DIAPH2: variants seen among roughly 807,000 people sequenced by gnomAD.
DIAPH2 encodes protein diaphanous homolog 2.
In DIAPH2, 35 loss-of-function variants were observed where a neutral mutation model predicts 92.7. The ratio of observed to expected loss-of-function variants is 0.38; its 90% CI spans 0.29 to 0.50. The LOEUF (loss-of-function observed/expected upper bound fraction) is 0.50, where lower values mean the gene tolerates loss of function less well. DIAPH2 is among the 20% of genes least tolerant of loss of function. DIAPH2 has a pLI of 0.94. For missense variants in DIAPH2, 701 were observed against 819.5 expected (o/e 0.86, Z 1.77); for synonymous variants, 301 against 280.4 (o/e 1.07, Z -0.73).
At chrX:97,233,697 A>C (rs2068025736) in intron 22 of DIAPH2, among the ~76,000 whole-genome samples, 1 of 111,952 alleles carries the variant, frequency 8.9e-6, no homozygotes, top group African/African-American at 3.2e-5. Flanking sequence ...GTTGCTTTAT[A>C]GTGGCTGATT....
intron 19 of DIAPH2, among the ~76,000 whole-genome samples, chrX:97,088,239 C>G (rs2066797408): frequency 8.9e-6 from 1 of 111,847 alleles, no homozygotes; most frequent in African/African-American, 3.2e-5. Context: ...ACCTGTCCTT[C>G]CATCCTTTAG....
chrX:97,335,002 A>AC (rs2069044266), intron 23 of DIAPH2, among the ~76,000 whole-genome samples: 1 of 101,820 alleles, frequency 9.8e-6, no homozygotes, highest in Admixed American at 1.1e-4. Context: ...ACAAAACAAA[A>AC]AAAAAAAAAA....
intron 21 of DIAPH2, among the ~76,000 whole-genome samples, chrX:97,116,881 T>G (rs1269137484): frequency 8.9e-6 from 1 of 111,742 alleles, no homozygotes; most frequent in Non-Finnish European, 1.9e-5. Context: ...TACAGTTACA[T>G]CTTATATTTT....
At chrX:96,729,261 A>C (rs1416702756) in intron 1 of DIAPH2, among the ~76,000 whole-genome samples, 3 of 112,108 alleles carry the variant, frequency 2.7e-5, no homozygotes, top group Non-Finnish European at 5.6e-5. Context: ...GAAGAGGCCC[A>C]AGATATTTTC....
intron 25 of DIAPH2, among the ~76,000 whole-genome samples, chrX:97,425,274 T>G (rs1044437962): frequency 9.0e-6 from 1 of 111,464 alleles, no homozygotes; most frequent in African/African-American, 3.3e-5. Flanking sequence ...GGGAGGGGAT[T>G]AGGAAGACAT....
chrX:97,325,424 G>A (rs1301826190), intron 23 of DIAPH2, among the ~76,000 whole-genome samples: 1 of 111,858 alleles, frequency 8.9e-6, no homozygotes, highest in East Asian at 2.8e-4. Flanking sequence ...ATTAGTAGTT[G>A]ATTGTTAATA....
intron 17 of DIAPH2, among the ~76,000 whole-genome samples, chrX:97,064,588 G>A (rs905043740): frequency 2.6e-4 from 29 of 109,853 alleles, no homozygotes; most frequent in African/African-American, 8.6e-4. Context: ...ATAACACCCA[G>A]CACCTCCTGC....
At chrX:97,427,524 C>T (rs2147775304) in intron 25 of DIAPH2, among the ~76,000 whole-genome samples, 1 of 111,840 alleles carries the variant, frequency 8.9e-6, no homozygotes, top group East Asian at 2.8e-4. Flanking sequence ...TGTAAAGTGT[C>T]AACTGCATAT....
intron 22 of DIAPH2, among the ~76,000 whole-genome samples, chrX:97,225,835 C>G (rs948696543): frequency 8.9e-6 from 1 of 111,971 alleles, no homozygotes; most frequent in African/African-American, 3.2e-5. Context: ...CAATAGTACA[C>G]AGACTATCTG....
intron 22 of DIAPH2, among the ~76,000 whole-genome samples, chrX:97,191,771 A>C (rs949104224): frequency 9.0e-6 from 1 of 111,602 alleles, no homozygotes; most frequent in African/African-American, 3.3e-5. Context: ...GTTTATACTT[A>C]AATCTTAGGG....
chrX:97,399,891 C>G (rs1451523199), intron 25 of DIAPH2, among the ~76,000 whole-genome samples: 2 of 112,404 alleles, frequency 1.8e-5, no homozygotes, highest in African/African-American at 3.2e-5. Flanking sequence ...TGGTCACACC[C>G]AGATGTGGAG....
intron 4 of DIAPH2, among the ~76,000 whole-genome samples, chrX:96,854,230 C>CA (rs1159146633): frequency 9.1e-6 from 1 of 109,917 alleles, no homozygotes; most frequent in Non-Finnish European, 1.9e-5. Context: ...GAGAAACTAA[C>CA]AAAAATCCAA....
At chrX:97,524,550 G>T (rs2071011990) in intron 26 of DIAPH2, among the ~76,000 whole-genome samples, 1 of 112,046 alleles carries the variant, frequency 8.9e-6, no homozygotes, top group Non-Finnish European at 1.9e-5. Flanking sequence ...TACTTGCCCA[G>T]AAATAGAGGC....
chrX:96,685,454 C>G (rs1304022639), intron 1 of DIAPH2, among the ~76,000 whole-genome samples: 1 of 113,019 alleles, frequency 8.8e-6, no homozygotes, highest in Non-Finnish European at 1.9e-5. Flanking sequence ...CCAGCCCCAA[C>G]TTGGGGACAC....
Position 97,127,925 on chromosome X carries a change from T to A in DIAPH2, c.2589+12960T>A, listed in dbSNP as rs1284990357. Reference sequence around the variant, plus strand: ...TGGGAGGCTGAGGTGGGAGGATTGCTTGAGCTTGGGAGGTGGAGGTTGCAG... The same window carrying A: ...TGGGAGGCTGAGGTGGGAGGATTGCATGAGCTTGGGAGGTGGAGGTTGCAG... On this transcript the variant is annotated intron_variant, in intron 21 of 26. Transcript: ENST00000324765. Among the ~76,000 whole-genome samples, 141 of 110,787 alleles carry A rather than the reference T, an allele frequency of 1.3e-3. 8 individuals carry two copies.
At position 96,704,477 on chromosome X, in the gene DIAPH2, C is replaced by T. The variant is rs563208455; in HGVS notation, c.132+19287C>T. Among the ~76,000 whole-genome samples the T allele has an allele frequency of 5.4e-5, 6 of 111,730 alleles. No homozygotes were observed. In the South Asian group the frequency reaches 2.3e-3, roughly 42 times the overall value. On this transcript the variant is annotated intron_variant, in intron 1 of 26. Coordinates refer to ENST00000324765, the MANE Select transcript of DIAPH2 (RefSeq NM_006729.5). Reference sequence around the variant, plus strand: ...TTTGAGACCCAGTCACATCAGAGTACTCTTTGTTTATTTCTTTCTCAGTGA... The same window carrying T: ...TTTGAGACCCAGTCACATCAGAGTATTCTTTGTTTATTTCTTTCTCAGTGA...
chrX:96,988,785 A>C (rs945877931), intron 17 of DIAPH2, among the ~76,000 whole-genome samples: 1 of 111,262 alleles, frequency 9.0e-6, no homozygotes, highest in Non-Finnish European at 1.9e-5. Flanking sequence ...GTCTATGTTT[A>C]ACTATTTAGT....
chrX:97,439,283 A>G (rs534314161), intron 26 of DIAPH2, among the ~76,000 whole-genome samples: 1 of 111,495 alleles, frequency 9.0e-6, no homozygotes, highest in East Asian at 2.8e-4. Context: ...TTATTTGAAA[A>G]TTAGCCAGGG....
chrX:96,838,506 ATT>A (rs2064914053), intron 4 of DIAPH2, among the ~76,000 whole-genome samples: 1 of 112,439 alleles, frequency 8.9e-6, no homozygotes, highest in Non-Finnish European at 1.9e-5. Context: ...GAAATACTGT[ATT>A]AGTACAAAAT....
Sources: allele counts gnomAD v4.1 joint callset (sites outside exome capture counted in the v4.1 genomes callset), GRCh38; gene constraint gnomAD v4.1.1; transcripts MANE v1.5; gene names NCBI Gene and HGNC (gene_info 2026-07-23, HGNC 2026-07-21).